MARCHF1: variants seen among roughly 807,000 people sequenced by gnomAD.
MARCHF1 encodes E3 ubiquitin-protein ligase MARCHF1.
Under a neutral mutation model 54.2 loss-of-function variants are expected in MARCHF1, and 40 were observed. That is an observed-to-expected ratio of 0.74 (90% CI 0.57 to 0.96). The LOEUF is 0.96. Among genes scored for constraint, MARCHF1 ranks in the 40% least tolerant of loss-of-function variants. The pLI is 0.00. For missense variants in MARCHF1, 586 were observed against 656.5 expected (o/e 0.89, Z 1.17); for synonymous variants, 236 against 236.3 (o/e 1.00, Z 0.01).
intron 3 of MARCHF1, among the ~76,000 whole-genome samples, chr4:163,883,166 C>T (rs183593009): frequency 2.3e-3 from 352 of 151,594 alleles, no homozygotes; most frequent in Middle Eastern, 6.9e-3. Flanking sequence ...CAGTTTCTCA[C>T]CATTGGAAAT....
At chr4:163,874,785 G>GA (rs1446746478) in intron 3 of MARCHF1, among the ~76,000 whole-genome samples, 6 of 152,058 alleles carry the variant, frequency 3.9e-5, no homozygotes, top group South Asian at 2.1e-4. Flanking sequence ...AAAAGTTTAT[G>GA]AAAAATGATA....
rs143155540 is a variant in MARCHF1, at chr4:164,126,719, T to C, written c.-322-15057A>G. Among the ~76,000 whole-genome samples, 902 of 152,146 alleles carry C rather than the reference T, an allele frequency of 5.9e-3. 9 individuals are homozygous for C. Among genetic ancestry groups the C allele is most frequent in the African/African-American group, 0.021 (857 of 41,516 alleles). On this transcript the variant is annotated intron_variant, in intron 1 of 9. Transcript: ENST00000514618. The stretch of plus-strand genomic sequence containing the variant: ...AAGGCTTGAGTAATACTGAACAAAA[T>C]GTTGGTAGAAATGTGGATGGTAAAT...
chr4:163,965,718 C>G (rs1560839440), intron 3 of MARCHF1, among the ~76,000 whole-genome samples: 1 of 152,050 alleles, frequency 6.6e-6, no homozygotes, highest in Admixed American at 6.6e-5. Flanking sequence ...TATAGTTAAA[C>G]CAAGTTGATC....
intron 2 of MARCHF1, among the ~76,000 whole-genome samples, chr4:164,021,867 TTA>T (rs375853031): frequency 8.9e-4 from 131 of 146,910 alleles, no homozygotes; most frequent in African/African-American, 2.9e-3. Flanking sequence ...AAAAAAAAAA[TTA>T]TATATATATA....
At chr4:164,273,551 A>G (rs1195724320) in intron 1 of MARCHF1, among the ~76,000 whole-genome samples, 1 of 152,212 alleles carries the variant, frequency 6.6e-6, no homozygotes, top group African/African-American at 2.4e-5. Flanking sequence ...AAAAACCAGA[A>G]AGTAATAAAC....
intron 4 of MARCHF1, among the ~76,000 whole-genome samples, chr4:163,721,778 A>G (rs139230020): frequency 0.035 from 5,298 of 152,150 alleles, 466 homozygotes; most frequent in East Asian, 0.28. Flanking sequence ...GTGTCCAGGA[A>G]TTTATCCATT....
At chr4:164,106,833 C>CTT (rs1258701608) in intron 2 of MARCHF1, among the ~76,000 whole-genome samples, 2 of 150,896 alleles carry the variant, frequency 1.3e-5, no homozygotes, top group Non-Finnish European at 2.9e-5. Context: ...ACTCTTCAGA[C>CTT]TTTTTCCCTG....
At chr4:164,283,936 A>G (rs1200852880) in intron 1 of MARCHF1, among the ~76,000 whole-genome samples, 1 of 151,016 alleles carries the variant, frequency 6.6e-6, no homozygotes, top group African/African-American at 2.4e-5. Flanking sequence ...AAGCACTTTC[A>G]GTTCAAAGAG....
At chr4:164,052,150 T>TA (rs1019929526) in intron 2 of MARCHF1, among the ~76,000 whole-genome samples, 6 of 151,766 alleles carry the variant, frequency 4.0e-5, no homozygotes, top group Non-Finnish European at 7.4e-5. Flanking sequence ...TTTTTTTGTT[T>TA]TTTTTGTATT....
intron 1 of MARCHF1, among the ~76,000 whole-genome samples, chr4:164,250,710 C>T (rs1185599783): frequency 6.6e-6 from 1 of 151,656 alleles, no homozygotes; most frequent in Non-Finnish European, 1.5e-5. Flanking sequence ...ACAACTAAAG[C>T]AATTTAAATT....
At chr4:163,800,902 C>T (rs1260476240) in intron 4 of MARCHF1, among the ~76,000 whole-genome samples, 4 of 151,966 alleles carry the variant, frequency 2.6e-5, no homozygotes, top group Admixed American at 6.6e-5. Context: ...CTTACATCAG[C>T]GAATAAATAG....
rs146896736 is a variant in MARCHF1 at position 163,555,239 on chromosome 4, G to A, written c.1192-9496C>T. Among the ~76,000 whole-genome samples, 120 of 152,264 alleles carry A rather than the reference G, an allele frequency of 7.9e-4. 1 individual carries two copies. The highest frequency in any genetic ancestry group is 3.4e-3 in the Middle Eastern group (1 of 294). On this transcript the variant is annotated intron_variant, in intron 8 of 9. Coordinates refer to ENST00000514618, the MANE Select transcript of MARCHF1 (RefSeq NM_001394959.1). Reference sequence around the variant, plus strand: ...GCTTTGTTCCAGATTTATATCTGGGGGTGTGGCCTAGGAATCTGCATTCCT... The same window carrying A: ...GCTTTGTTCCAGATTTATATCTGGGAGTGTGGCCTAGGAATCTGCATTCCT...
At chr4:163,676,657 G>A (rs1003952500) in intron 5 of MARCHF1, among the ~76,000 whole-genome samples, 1 of 152,178 alleles carries the variant, frequency 6.6e-6, no homozygotes, top group African/African-American at 2.4e-5. Flanking sequence ...TTGGGAGGCT[G>A]AGGCTGGAGG....
At chr4:164,222,021 G>A (rs1732128047) in intron 1 of MARCHF1, among the ~76,000 whole-genome samples, 1 of 151,964 alleles carries the variant, frequency 6.6e-6, no homozygotes, top group Admixed American at 6.6e-5. Context: ...CAAGATGATG[G>A]GAAGGTTACA....
At chr4:163,809,849 GAAGA>G (rs1748335296) in intron 4 of MARCHF1, among the ~76,000 whole-genome samples, 1 of 151,898 alleles carries the variant, frequency 6.6e-6, no homozygotes, top group Admixed American at 6.6e-5. Context: ...TCTAAATAAT[GAAGA>G]AATAGAAAGA....
At chr4:163,668,925 A>G (rs1285637390) in intron 5 of MARCHF1, among the ~76,000 whole-genome samples, 1 of 152,112 alleles carries the variant, frequency 6.6e-6, no homozygotes, top group Non-Finnish European at 1.5e-5. Context: ...TGAGATTCAC[A>G]GTGGCTTTCT....
intron 1 of MARCHF1, among the ~76,000 whole-genome samples, chr4:164,182,130 A>T (rs1156991090): frequency 6.6e-6 from 1 of 152,138 alleles, no homozygotes; most frequent in Non-Finnish European, 1.5e-5. Context: ...GCTATGAAAC[A>T]CTAATAGGTT....
chr4:163,967,600 G>A (rs1016383062), intron 3 of MARCHF1, among the ~76,000 whole-genome samples: 3 of 152,178 alleles, frequency 2.0e-5, no homozygotes, highest in Middle Eastern at 3.4e-3. Flanking sequence ...AGGATCATTC[G>A]TAGACAGTTG....
At chr4:164,165,769 A>C (rs563499030) in intron 1 of MARCHF1, among the ~76,000 whole-genome samples, 1 of 151,946 alleles carries the variant, frequency 6.6e-6, no homozygotes, top group South Asian at 2.1e-4. Context: ...GATGACCTTA[A>C]ATTCTGCTTC....
Sources: gnomAD v4.1 joint callset for allele counts (sites outside exome capture counted in the v4.1 genomes callset) on GRCh38, gnomAD v4.1.1 for gene constraint, MANE v1.5 for transcripts, NCBI Gene and HGNC (gene_info 2026-07-23, HGNC 2026-07-21) for gene names.